ATP6V1E1: variants seen among roughly 807,000 people sequenced by gnomAD.
ATP6V1E1 encodes V-type proton ATPase subunit E 1.
In ATP6V1E1, 21 loss-of-function variants were observed where a neutral mutation model predicts 35.2. The ratio of observed to expected loss-of-function variants is 0.60; its 90% confidence interval spans 0.42 to 0.86. The LOEUF (loss-of-function observed/expected upper bound fraction) is 0.86, where lower values mean the gene tolerates loss of function less well. ATP6V1E1 is among the 40% of genes least tolerant of loss of function. The pLI is 0.00. For synonymous variants in ATP6V1E1, 83 were observed against 87.8 expected (o/e 0.95, Z 0.30); for missense variants, 183 against 272.6 (o/e 0.67, Z 2.32).
chr22:17,598,685 AG>A (rs774775722), intron 6 of ATP6V1E1, among the ~76,000 whole-genome samples: 9 of 152,188 alleles, frequency 5.9e-5, no homozygotes, highest in East Asian at 5.8e-4. Context: ...GTTGCAGATG[AG>A]GGGGAGACAG....
intron 2 of ATP6V1E1, among the ~76,000 whole-genome samples, chr22:17,615,593 A>C (rs2057839968): frequency 6.6e-6 from 1 of 151,732 alleles, no homozygotes; most frequent in Non-Finnish European, 1.5e-5. Context: ...GAGTGAGCAG[A>C]GATTACACTG....
intron 6 of ATP6V1E1, among the ~76,000 whole-genome samples, chr22:17,599,532 G>A (rs188987775): frequency 1.4e-3 from 194 of 133,938 alleles, no homozygotes; most frequent in Non-Finnish European, 2.2e-3. Flanking sequence ...AGCCGAGATC[G>A]CACCATTGCA....
chr22:17,596,243 C>T (rs1424549094), intron 7 of ATP6V1E1, among the ~76,000 whole-genome samples: 1 of 152,196 alleles, frequency 6.6e-6, no homozygotes, highest in Non-Finnish European at 1.5e-5. Flanking sequence ...TCTGTTCCCT[C>T]AGAAACTAAT....
At chr22:17,611,826 AC>A (rs1204971434) in intron 4 of ATP6V1E1, among the ~76,000 whole-genome samples, 2 of 152,206 alleles carry the variant, frequency 1.3e-5, no homozygotes, top group Non-Finnish European at 2.9e-5. Context: ...ATTAATAAGA[AC>A]TGACAACTTG....
chr22:17,613,178 C>G (rs565993607), intron 3 of ATP6V1E1, 33 bp downstream of exon 3: 2 of 1,589,442 alleles, frequency 1.3e-6, no homozygotes, highest in Admixed American at 3.4e-5. Flanking sequence ...CAGAAAACTT[C>G]TTAGCTTAAT....
intron 2 of ATP6V1E1, among the ~76,000 whole-genome samples, chr22:17,614,218 C>T (rs370431586): frequency 3.2e-4 from 49 of 151,860 alleles, no homozygotes; most frequent in Middle Eastern, 3.4e-3. Flanking sequence ...GGCGTGGCGG[C>T]GCATGCCTGT....
At chr22:17,606,978 T>A (rs182605831) in intron 4 of ATP6V1E1, among the ~76,000 whole-genome samples, 1 of 152,262 alleles carries the variant, frequency 6.6e-6, no homozygotes, top group Non-Finnish European at 1.5e-5. Context: ...TTCTCAGTTT[T>A]TTTGGCCCGC....
At chr22:17,614,188 T>G (rs955118781) in intron 2 of ATP6V1E1, among the ~76,000 whole-genome samples, 6 of 151,552 alleles carry the variant, frequency 4.0e-5, no homozygotes, top group African/African-American at 1.5e-4. Flanking sequence ...TCGTCTCTAC[T>G]AAAAATATAA....
intron 4 of ATP6V1E1, among the ~76,000 whole-genome samples, chr22:17,607,515 C>T (rs999376269): frequency 6.6e-6 from 1 of 152,088 alleles, no homozygotes; most frequent in African/African-American, 2.4e-5. Context: ...TTTGCATTCA[C>T]TCATCACAAC....
chr22:17,612,102 C>T (rs1348369020), intron 4 of ATP6V1E1, among the ~76,000 whole-genome samples: 1 of 152,032 alleles, frequency 6.6e-6, no homozygotes, highest in South Asian at 2.1e-4. Flanking sequence ...GTTTTTTGAA[C>T]CTTATATTTT....
chr22:17,628,671 C>G lies in ATP6V1E1; in HGVS notation c.-36G>C, dbSNP rs1310670667. The G allele has an allele frequency of 7.4e-6, 12 of 1,613,924 alleles. No individual in the cohort carries two copies. Among genetic ancestry groups the G allele is most frequent in the East Asian group, 4.5e-5 (2 of 44,884 alleles). The stretch of plus-strand genomic sequence containing the variant: ...ATGCTAGGCCGGTGAACAGTAGGCT[C>G]GAGTTTAGGTTTGAAAGGTGAGGTG... On this transcript the variant is annotated 5_prime_UTR_variant, in exon 1 of 9. Transcript: ENST00000253413.
intron 7 of ATP6V1E1, among the ~76,000 whole-genome samples, chr22:17,596,579 T>C (rs1322185709): frequency 6.6e-6 from 1 of 151,962 alleles, no homozygotes; most frequent in African/African-American, 2.4e-5. Flanking sequence ...ATGAACCAAA[T>C]AAACCTCTTT....
chr22:17,619,776 T>A (rs899541561), intron 1 of ATP6V1E1, among the ~76,000 whole-genome samples: 1 of 152,180 alleles, frequency 6.6e-6, no homozygotes, highest in East Asian at 1.9e-4. Flanking sequence ...AGGCTCTGAG[T>A]ACAAGGATAA....
At chr22:17,618,791 G>C (rs2057859818) in intron 2 of ATP6V1E1, among the ~76,000 whole-genome samples, 1 of 151,912 alleles carries the variant, frequency 6.6e-6, no homozygotes, top group Non-Finnish European at 1.5e-5. Flanking sequence ...TCTGAGGTCA[G>C]GAGTTCAAGA....
intron 5 of ATP6V1E1, 24 bp downstream of exon 5, chr22:17,601,068 A>G: frequency 6.3e-7 from 1 of 1,596,746 alleles, no homozygotes; most frequent in Non-Finnish European, 8.6e-7. Flanking sequence ...GGCTATCAAC[A>G]GTAGATCTGG....
chr22:17,618,514 C>T (rs2057857793), intron 2 of ATP6V1E1, among the ~76,000 whole-genome samples: 1 of 151,424 alleles, frequency 6.6e-6, no homozygotes, highest in African/African-American at 2.4e-5. Context: ...AACCTTGTCT[C>T]TACTAAAAAT....
intron 7 of ATP6V1E1, 65 bp downstream of exon 7, chr22:17,598,129 G>T: frequency 8.0e-7 from 1 of 1,253,992 alleles, no homozygotes; most frequent in Non-Finnish European, 1.2e-6. Context: ...TTTAAAAAAG[G>T]CCTGGTATAA....
chr22:17,611,367 T>A (rs2057814675), intron 4 of ATP6V1E1, among the ~76,000 whole-genome samples: 1 of 152,218 alleles, frequency 6.6e-6, no homozygotes, highest in Non-Finnish European at 1.5e-5. Flanking sequence ...GCAACAGATT[T>A]TGTATTTTCC....
intron 6 of ATP6V1E1, 62 bp from the exon 7 acceptor site, chr22:17,598,350 T>G: frequency 1.5e-6 from 2 of 1,297,238 alleles, no homozygotes; most frequent in South Asian, 2.4e-5. Context: ...ATCCAAAAAC[T>G]CAACAGACTA....
Sources: gnomAD v4.1 joint callset for allele counts (sites outside exome capture counted in the v4.1 genomes callset) on GRCh38, gnomAD v4.1.1 for gene constraint, MANE v1.5 for transcripts, NCBI Gene and HGNC (gene_info 2026-07-23, HGNC 2026-07-21) for gene names.